DYRK1A: variants seen among roughly 807,000 people sequenced by gnomAD.
DYRK1A encodes the protein dual specificity tyrosine-phosphorylation-regulated kinase 1A.
DYRK1A carries 9 observed loss-of-function variants against 79.7 expected under a neutral mutation model. That is an observed-to-expected ratio of 0.11 (90% CI 0.07 to 0.20). DYRK1A has a LOEUF of 0.20. DYRK1A is among the 10% of genes least tolerant of loss of function. The pLI is 1.00. For synonymous variants in DYRK1A, 349 were observed against 329.7 expected (o/e 1.06, Z -0.63); for missense variants, 622 against 956.0 (o/e 0.65, Z 4.61).
chr21:37,388,980 A>G (rs1263036272), intron 1 of DYRK1A, among the ~76,000 whole-genome samples: 1 of 150,168 alleles, frequency 6.7e-6, no homozygotes, highest in Non-Finnish European at 1.5e-5. Context: ...TTGAGGTGGA[A>G]TCTCATTCAC....
intron 1 of DYRK1A, among the ~76,000 whole-genome samples, chr21:37,412,975 A>G (rs1369691464): frequency 1.3e-5 from 2 of 152,136 alleles, no homozygotes; most frequent in African/African-American, 2.4e-5. Context: ...TGTATAGAGA[A>G]ATGAGTGAAG....
At chr21:37,389,925 G>GTTT (rs113974002) in intron 1 of DYRK1A, among the ~76,000 whole-genome samples, 8 of 135,116 alleles carry the variant, frequency 5.9e-5, no homozygotes, top group Non-Finnish European at 8.0e-5. Context: ...TTTGTTTTTT[G>GTTT]TTTTTTTTTT....
intron 1 of DYRK1A, among the ~76,000 whole-genome samples, chr21:37,393,085 A>G (rs2049900452): frequency 1.3e-5 from 2 of 152,272 alleles, no homozygotes; most frequent in Non-Finnish European, 2.9e-5. Context: ...GAAGTTTTCA[A>G]CAAATGAATT....
chr21:37,494,129 T>C (rs1035136773), intron 8 of DYRK1A, among the ~76,000 whole-genome samples: 4 of 151,906 alleles, frequency 2.6e-5, no homozygotes, highest in African/African-American at 9.7e-5. Flanking sequence ...TGACCTCAAG[T>C]GGTCTGCCCG....
chr21:37,378,536 A>G lies in DYRK1A; in HGVS notation c.-77+10908A>G, dbSNP rs141725547. ...CAACAAGAGCGAAACTCCATCTCGA[A>G]AAACAAAACAAAAGTATTTTTTGGG... is the stretch of plus-strand genomic sequence containing the variant. On this transcript the variant is annotated intron_variant, in intron 1 of 11. Coordinates refer to ENST00000647188, the MANE Select transcript of DYRK1A (RefSeq NM_001347721.2). Among the ~76,000 whole-genome samples, 486 of 152,184 alleles carry G rather than the reference A, an allele frequency of 3.2e-3. 1 individual carries two copies. The highest frequency in any genetic ancestry group is 0.024 in the Middle Eastern group (7 of 294).
chr21:37,388,100 ATTTT>A (rs34571307), intron 1 of DYRK1A, among the ~76,000 whole-genome samples: 65 of 116,632 alleles, frequency 5.6e-4, no homozygotes, highest in Non-Finnish European at 8.5e-4. Context: ...CTTCCCTTTG[ATTTT>A]TTTTTTTTTT....
intron 11 of DYRK1A, among the ~76,000 whole-genome samples, chr21:37,510,745 T>G (rs1382617074): frequency 6.6e-6 from 1 of 152,012 alleles, no homozygotes; most frequent in Non-Finnish European, 1.5e-5. Context: ...AGGGCCTACT[T>G]GTCTACTGTG....
In DYRK1A at chr21:37,506,340, CCTGT is replaced by C. The variant is rs768767534; in HGVS notation, c.1644+120_1644+123del. On this transcript the variant is annotated intron_variant, in intron 11 of 11. Transcript: ENST00000647188. ...ATTTACCCTAGAGGTTCATGACGTT[CCTGT>C]CTAAGGAAATGTAAGTATTTATCAT... 3.6e-5 allele frequency: 57 copies of C among 1,589,198 alleles called. No homozygotes were observed. The African/African-American group carries it at 4.0e-4, about 11-fold the overall frequency.
In DYRK1A at chr21:37,474,524, T is replaced by C. The variant is rs16995172; in HGVS notation, c.207+1644T>C. Among the ~76,000 whole-genome samples, 1,392 of 152,326 alleles carry C rather than the reference T, an allele frequency of 9.1e-3. 19 individuals are homozygous for C. The highest frequency in any genetic ancestry group is 0.032 in the African/African-American group (1,336 of 41,564). ...ACTAAAGTGTAGGCTGCGTATTAAG[T>C]GGCATAGTCTAGTCATAGGACCTGG... On this transcript the variant is annotated intron_variant, in intron 3 of 11. Transcript: ENST00000647188.
chr21:37,419,573 CAT>C (rs777599818), intron 1 of DYRK1A: 10 of 152,262 alleles, frequency 6.6e-5, no homozygotes, highest in Non-Finnish European at 8.8e-5. Flanking sequence ...CAATTTAAAA[CAT>C]AAAGTTTTCA....
intron 2 of DYRK1A, among the ~76,000 whole-genome samples, chr21:37,444,993 A>G (rs986450414): frequency 2.6e-5 from 4 of 152,108 alleles, no homozygotes; most frequent in Non-Finnish European, 5.9e-5. Flanking sequence ...CCATTTTACA[A>G]ATGAGAAAAC....
intron 1 of DYRK1A, among the ~76,000 whole-genome samples, chr21:37,374,595 C>T (rs911568641): frequency 6.6e-6 from 1 of 151,908 alleles, no homozygotes; most frequent in African/African-American, 2.4e-5. Flanking sequence ...CTCTGTCGCC[C>T]AGGCTGGAGT....
chr21:37,459,084 C>G (rs1328362703), intron 2 of DYRK1A, among the ~76,000 whole-genome samples: 1 of 152,176 alleles, frequency 6.6e-6, no homozygotes, highest in East Asian at 1.9e-4. Flanking sequence ...CTGACAACTA[C>G]TATAATAGTA....
chr21:37,440,828 A>G (rs1036784019), intron 2 of DYRK1A, among the ~76,000 whole-genome samples: 1 of 152,148 alleles, frequency 6.6e-6, no homozygotes, highest in Non-Finnish European at 1.5e-5. Flanking sequence ...AATGTTGTCT[A>G]TCTTGGTTAA....
At chr21:37,457,778 T>A (rs1228951066) in intron 2 of DYRK1A, among the ~76,000 whole-genome samples, 1 of 152,072 alleles carries the variant, frequency 6.6e-6, no homozygotes, top group East Asian at 1.9e-4. Flanking sequence ...AAAGAGCAAG[T>A]CCTCTATGTG....
intron 9 of DYRK1A, among the ~76,000 whole-genome samples, chr21:37,501,086 A>G (rs2053429400): frequency 6.6e-6 from 1 of 150,442 alleles, no homozygotes; most frequent in Non-Finnish European, 1.5e-5. Context: ...CTACTATAGA[A>G]TTTAATGGTA....
At position 37,460,645 on chromosome 21, in the gene DYRK1A, G is replaced by T. The variant is rs528823085; in HGVS notation, c.11-12039G>T. ...CGCTCATTCCTAGATTTAATTAAGG[G>T]CTCAAAGACTGCTCAATACCTTGTT... On this transcript the variant is annotated intron_variant, in intron 2 of 11. Coordinates refer to ENST00000647188, the MANE Select transcript of DYRK1A (RefSeq NM_001347721.2). Among the ~76,000 whole-genome samples, 17 of 152,192 alleles carry T rather than the reference G, an allele frequency of 1.1e-4. No individual in the cohort carries two copies. The South Asian group carries it at 3.5e-3, about 32-fold the overall frequency.
chr21:37,519,493 T>C lies in DYRK1A; in HGVS notation c.*6962T>C, dbSNP rs554141907. The C allele has an allele frequency of 2.0e-5, 3 of 152,304 alleles. No homozygotes were observed. Among genetic ancestry groups the C allele is most frequent in the East Asian group, 1.9e-4 (1 of 5,186 alleles). 9.4% of individuals were successfully genotyped at this position (152,304 alleles called of 1,614,324 possible). A position where few individuals can be genotyped will look rare whatever the true frequency, so the allele number is the denominator to read the frequency against. ...GTATGTAGAAAGTGTCCGATAAATA[T>C]AATATGCGGCTAAACAGCGGAGTCC... On this transcript the variant is annotated 3_prime_UTR_variant, in exon 12 of 12. Transcript: ENST00000647188.
chr21:37,490,914 G>T (rs992000225), intron 7 of DYRK1A, among the ~76,000 whole-genome samples: 1 of 151,874 alleles, frequency 6.6e-6, no homozygotes, highest in Non-Finnish European at 1.5e-5. Context: ...ATAAATTTTG[G>T]GACTTTCCAG....
Sources: allele counts gnomAD v4.1 joint callset (sites outside exome capture counted in the v4.1 genomes callset), GRCh38; gene constraint gnomAD v4.1.1; transcripts MANE v1.5; gene names NCBI Gene and HGNC (gene_info 2026-07-23, HGNC 2026-07-21).